Variants in STRN3 observed in about 807,000 individuals in gnomAD.
STRN3 encodes the protein striatin-3.
STRN3 carries 29 observed loss-of-function variants against 95.6 expected under a neutral mutation model. That is an observed-to-expected ratio of 0.30 (90% CI 0.23 to 0.41). The LOEUF (loss-of-function observed/expected upper bound fraction) is 0.41. STRN3 is among the 10% of genes least tolerant of loss of function. The pLI, the probability that STRN3 is intolerant of heterozygous loss-of-function variation, is 1.00. For missense variants in STRN3, 890 were observed against 972.1 expected, an observed-to-expected ratio of 0.92 and a Z score of 1.12; for synonymous variants, 331 against 357.6, an observed-to-expected ratio of 0.93 and a Z score of 0.84.
chr14:31,019,141 T>A lies in STRN3; in HGVS notation c.282+6763A>T, dbSNP rs117912770. Among the ~76,000 whole-genome samples, 272 of 151,960 alleles carry A rather than the reference T, an allele frequency of 1.8e-3. 5 individuals carry two copies. In the East Asian group the frequency reaches 0.031, roughly 17 times the overall value. On this transcript the variant is annotated intron_variant, in intron 1 of 17. Transcript: ENST00000357479. ...GCCTAGACAACATAGAAAGACCCTG[T>A]CTCTACTAAAAAAAAAATTAGCCAG...
At chr14:30,951,285 G>C (rs942804831) in intron 3 of STRN3, among the ~76,000 whole-genome samples, 3 of 151,940 alleles carry the variant, frequency 2.0e-5, no homozygotes, top group African/African-American at 7.3e-5. Context: ...ACCCAGCCTG[G>C]AGTACAGTGG....
chr14:31,007,443 A>G (rs114035501), intron 1 of STRN3, among the ~76,000 whole-genome samples: 2,855 of 152,342 alleles, frequency 0.019, 69 homozygotes, highest in African/African-American at 0.054. Flanking sequence ...TTAAAAAAGG[A>G]GGCAAATAAC....
chr14:30,920,589 T>C (rs2139018615), intron 8 of STRN3, among the ~76,000 whole-genome samples: 1 of 152,250 alleles, frequency 6.6e-6, no homozygotes, highest in East Asian at 1.9e-4. Flanking sequence ...TATAAAACGG[T>C]GGGGGCTGGT....
intron 7 of STRN3, among the ~76,000 whole-genome samples, chr14:30,929,967 A>AAAAAAAAAAAAAAAAAAACAAAAAAAC (rs1555317336): frequency 3.3e-5 from 3 of 91,122 alleles, no homozygotes; most frequent in African/African-American, 1.2e-4. Flanking sequence ...AAAAAAAAAA[A>AAAAAAAAAAAAAAAAAAACAAAAAAAC]AAAAAAAAAA....
chr14:30,906,174 G>A (rs981644882), intron 14 of STRN3, among the ~76,000 whole-genome samples: 5 of 152,170 alleles, frequency 3.3e-5, no homozygotes, highest in African/African-American at 1.2e-4. Context: ...GATGAAGCCA[G>A]AAACAAATAC....
At chr14:31,014,930 C>T (rs1360028636) in intron 1 of STRN3, among the ~76,000 whole-genome samples, 27 of 151,690 alleles carry the variant, frequency 1.8e-4, no homozygotes, top group Admixed American at 3.3e-4. Flanking sequence ...CAGGTTCAAG[C>T]GATTCTCCTG....
chr14:30,979,272 A>G (rs115192726), intron 1 of STRN3, among the ~76,000 whole-genome samples: 2,782 of 152,254 alleles, frequency 0.018, 80 homozygotes, highest in African/African-American at 0.063. Flanking sequence ...ATCTAAATAA[A>G]AGGAAACATT....
chr14:31,002,002 TAAAAATACA>T (rs971204167), intron 1 of STRN3, among the ~76,000 whole-genome samples: 1 of 150,208 alleles, frequency 6.7e-6, no homozygotes, highest in South Asian at 2.1e-4. Context: ...CCATCTCTAC[TAAAAATACA>T]AAAAATCAGC....
At position 30,916,998 on chromosome 14, in the gene STRN3, T is replaced by C. The variant is rs564027762; in HGVS notation, c.1240+1968A>G. Among the ~76,000 whole-genome samples, 13 of 152,316 alleles carry C rather than the reference T, an allele frequency of 8.5e-5. No homozygotes were observed. The South Asian group carries it at 1.2e-3, about 15-fold the overall frequency. On this transcript the variant is annotated intron_variant, in intron 9 of 17. Coordinates refer to ENST00000357479, the MANE Select transcript of STRN3 (RefSeq NM_001083893.2). Reference sequence around the variant, plus strand: ...TCTTTAGCAGCAATAGTCTAGAAGATTGTAATGTTGAAGTTCCACTCCTAG... The same window carrying C: ...TCTTTAGCAGCAATAGTCTAGAAGACTGTAATGTTGAAGTTCCACTCCTAG...
rs1331512478 is a variant in STRN3, at chr14:30,895,173, A to C, written c.*238T>G. ...AAAAACAGATATACGCTCAGTTCAC[A>C]TCCAGTACAGGCCACAAATACTGGA... On this transcript the variant is annotated 3_prime_UTR_variant, in exon 18 of 18. Coordinates refer to ENST00000357479, the MANE Select transcript of STRN3 (RefSeq NM_001083893.2). 2.0e-6 allele frequency: 1 copy of C among 499,480 alleles called. No homozygotes were observed. The highest frequency in any genetic ancestry group is 3.4e-6 in the Non-Finnish European group (1 of 289,908). 30.9% of individuals were successfully genotyped at this position (499,480 alleles called of 1,614,324 possible).
intron 1 of STRN3, among the ~76,000 whole-genome samples, chr14:30,991,234 T>G: frequency 6.6e-6 from 1 of 152,162 alleles, no homozygotes; most frequent in African/African-American, 2.4e-5. Context: ...CCATTAGATT[T>G]GAAGTTACCT....
chr14:31,019,401 G>A (rs1359894811), intron 1 of STRN3, among the ~76,000 whole-genome samples: 1 of 152,156 alleles, frequency 6.6e-6, no homozygotes, highest in Non-Finnish European at 1.5e-5. Context: ...ATGAGTCGTT[G>A]CTGTTTAAGA....
intron 1 of STRN3, among the ~76,000 whole-genome samples, chr14:30,989,498 T>C (rs1366029060): frequency 6.6e-6 from 1 of 152,196 alleles, no homozygotes; most frequent in Non-Finnish European, 1.5e-5. Flanking sequence ...TCTGGCTCTG[T>C]CGCCCAGGCT....
intron 5 of STRN3, among the ~76,000 whole-genome samples, chr14:30,946,873 G>C (rs1219779250): frequency 6.6e-6 from 1 of 151,826 alleles, no homozygotes; most frequent in Admixed American, 6.6e-5. Context: ...CAGCTACTTG[G>C]GAGGCTGAGG....
intron 8 of STRN3, among the ~76,000 whole-genome samples, chr14:30,927,184 G>A (rs560801619): frequency 1.3e-5 from 2 of 152,160 alleles, no homozygotes; most frequent in Admixed American, 6.5e-5. Context: ...GTGGTGGCAC[G>A]TGCCTATAGT....
In STRN3 at chr14:31,026,107, TCCCCCCAGGTC is replaced by T; in HGVS notation, c.68_78del (p.Gly23GlufsTer119). ...TTCCCCCCGGGCGAAAGGCCCAGGT[TCCCCCCAGGTC>T]CCTGCTGCTGCCGGGGAGGGGCCGC... is the stretch of plus-strand genomic sequence containing the variant. On this transcript the variant is annotated frameshift_variant, in exon 1 of 18. Transcript: ENST00000357479. LOFTEE classifies it high-confidence loss of function. The T allele has an allele frequency of 6.6e-7, 1 of 1,510,830 alleles. No homozygotes were observed. The highest frequency in any genetic ancestry group is 8.8e-7 in the Non-Finnish European group (1 of 1,133,784). 93.6% of individuals were successfully genotyped at this position (1,510,830 alleles called of 1,614,324 possible). A position where few individuals can be genotyped will look rare whatever the true frequency, so the allele number is the denominator to read the frequency against.
chr14:30,957,971 G>A (rs1205007739), intron 1 of STRN3, among the ~76,000 whole-genome samples: 1 of 143,360 alleles, frequency 7.0e-6, no homozygotes, highest in Non-Finnish European at 1.6e-5. Flanking sequence ...AAGGAGACCA[G>A]CTAAATCAAG....
chr14:30,959,337 A>G (rs1880073380), intron 1 of STRN3, among the ~76,000 whole-genome samples: 2 of 152,280 alleles, frequency 1.3e-5, no homozygotes, highest in Admixed American at 1.3e-4. Context: ...GAAAAAAACA[A>G]AACAAAACAA....
chr14:30,983,972 T>C (rs1008198476), intron 1 of STRN3, among the ~76,000 whole-genome samples: 1 of 151,886 alleles, frequency 6.6e-6, no homozygotes, highest in Admixed American at 6.6e-5. Context: ...CAAAATACAG[T>C]GTCTGAGAGG....
Sources: gnomAD v4.1 joint callset for allele counts (sites outside exome capture counted in the v4.1 genomes callset) on GRCh38, gnomAD v4.1.1 for gene constraint, MANE v1.5 for transcripts, NCBI Gene and HGNC (gene_info 2026-07-23, HGNC 2026-07-21) for gene names.